ABCA13: variants seen among roughly 807,000 people sequenced by gnomAD.
The protein encoded by ABCA13 is ATP binding cassette subfamily A member 13, also known as ATP-binding cassette sub-family A member 13.
ABCA13 carries 476 observed loss-of-function variants against 478.7 expected under a neutral mutation model. The observed-to-expected ratio is 0.99, with a 90% confidence interval of 0.92 to 1.07. The LOEUF (loss-of-function observed/expected upper bound fraction) is 1.07, where lower values mean the gene tolerates loss of function less well. Among genes scored for constraint, ABCA13 ranks in the 50% least tolerant of loss-of-function variants. The pLI, the probability that ABCA13 is intolerant of heterozygous loss-of-function variation, is 0.00. For synonymous variants in ABCA13, 2,252 were observed against 2,158.9 expected (o/e 1.04, Z -1.20); for missense variants, 6,060 against 5,910.6 (o/e 1.03, Z -0.83).
chr7:48,200,827 A>C (rs1798580618), intron 3 of ABCA13, among the ~76,000 whole-genome samples: 1 of 151,884 alleles, frequency 6.6e-6, no homozygotes. Context: ...ATAAAGACTC[A>C]CTCCTGATTA....
intron 20 of ABCA13, among the ~76,000 whole-genome samples, chr7:48,292,601 C>T (rs760399973): frequency 2.9e-4 from 44 of 152,206 alleles, no homozygotes; most frequent in African/African-American, 7.2e-4. Flanking sequence ...CTGCCCTCCC[C>T]GGCACTCTCT....
chr7:48,267,350 CACAA>C lies in ABCA13; in HGVS notation c.2006-1626_2006-1623del, dbSNP rs199695719. Among the ~76,000 whole-genome samples the C allele has an allele frequency of 5.0e-3, 765 of 152,144 alleles. 8 individuals carry two copies. The highest frequency in any genetic ancestry group is 5.9e-3 in the Non-Finnish European group (398 of 67,938). ...TGTTGTGAAGCTCTGTTGTAATGTT[CACAA>C]ACATTTAGAATTGTTATATGTTCTT... On this transcript the variant is annotated intron_variant, in intron 15 of 61. Coordinates refer to ENST00000435803, the MANE Select transcript of ABCA13 (RefSeq NM_152701.5).
chr7:48,629,575 C>CAAA (rs11392411), intron 59 of ABCA13, among the ~76,000 whole-genome samples: 5,939 of 66,696 alleles, frequency 0.089, 371 homozygotes, highest in Non-Finnish European at 0.1. Flanking sequence ...TACATTTTGG[C>CAAA]AAAAAAAAAA....
intron 55 of ABCA13, among the ~76,000 whole-genome samples, chr7:48,532,955 C>G (rs1033609001): frequency 6.6e-6 from 1 of 151,946 alleles, no homozygotes. Context: ...AGATAACCAG[C>G]TTTGTGTTTC....
intron 55 of ABCA13, among the ~76,000 whole-genome samples, chr7:48,536,131 T>C (rs1833561473): frequency 6.6e-6 from 1 of 152,194 alleles, no homozygotes; most frequent in Non-Finnish European, 1.5e-5. Context: ...TGCAGGCTAG[T>C]CCTGCCTCCT....
At chr7:48,414,264 CT>C (rs1488075285) in intron 41 of ABCA13, among the ~76,000 whole-genome samples, 1 of 152,086 alleles carries the variant, frequency 6.6e-6, no homozygotes, top group Non-Finnish European at 1.5e-5. Flanking sequence ...GTTCCGTGTT[CT>C]CCCCACCCGC....
Position 48,484,053 on chromosome 7 carries a change from T to A in ABCA13, c.13182+890T>A, listed in dbSNP as rs567165019. On this transcript the variant is annotated intron_variant, in intron 47 of 61. Transcript: ENST00000435803. ...AATCTCCATGAGCCCAGGAAGGCAC[T>A]CTCTCTCTTCTGTAGTGGGGACTTG... Among the ~76,000 whole-genome samples the A allele has an allele frequency of 2.6e-5, 4 of 152,306 alleles. No individual in the cohort carries two copies. The East Asian group carries it at 7.7e-4, about 29-fold the overall frequency.
chr7:48,310,205 A>G, intron 24 of ABCA13, 64 bp downstream of exon 24: 1 of 1,523,566 alleles, frequency 6.6e-7, no homozygotes, highest in South Asian at 1.3e-5. Context: ...GCTGCAGATA[A>G]GTACAGTAGT....
At chr7:48,208,549 T>G (rs921668362) in intron 3 of ABCA13, among the ~76,000 whole-genome samples, 9 of 152,124 alleles carry the variant, frequency 5.9e-5, no homozygotes, top group African/African-American at 1.7e-4. Context: ...TTCCTAGGTA[T>G]GTTATTTTAT....
chr7:48,175,211 ATTTT>A (rs1483936985), intron 1 of ABCA13, among the ~76,000 whole-genome samples: 2 of 152,088 alleles, frequency 1.3e-5, no homozygotes, highest in Non-Finnish European at 2.9e-5. Context: ...TTAATTACTT[ATTTT>A]ATTTTTATTT....
At chr7:48,611,279 C>T (rs928464790) in intron 58 of ABCA13, among the ~76,000 whole-genome samples, 2 of 152,196 alleles carry the variant, frequency 1.3e-5, no homozygotes, top group African/African-American at 4.8e-5. Flanking sequence ...AGCAATTTAA[C>T]AAGCCTCTAG....
intron 37 of ABCA13, 129 bp from the exon 38 acceptor site, chr7:48,391,792 T>C (rs1816094565): frequency 2.4e-6 from 2 of 832,064 alleles, no homozygotes; most frequent in Non-Finnish European, 3.8e-6. Context: ...ACTGATTGTG[T>C]AAAAACCAGG....
At chr7:48,534,711 T>C (rs1469933861) in intron 55 of ABCA13, among the ~76,000 whole-genome samples, 1 of 152,216 alleles carries the variant, frequency 6.6e-6, no homozygotes, top group African/African-American at 2.4e-5. Context: ...TTTAAAATTC[T>C]TTTTTCTTTG....
intron 59 of ABCA13, among the ~76,000 whole-genome samples, chr7:48,635,503 G>C (rs1162029171): frequency 6.6e-6 from 1 of 152,150 alleles, no homozygotes; most frequent in Non-Finnish European, 1.5e-5. Context: ...AAGAACAAGG[G>C]GGACCCCAAT....
At chr7:48,435,971 GTT>G (rs35182542) in intron 42 of ABCA13, among the ~76,000 whole-genome samples, 15 of 138,480 alleles carry the variant, frequency 1.1e-4, no homozygotes, top group South Asian at 2.3e-4. Flanking sequence ...AGTTGGTAAG[GTT>G]TTTTTTTTTT....
At chr7:48,277,087 T>A (rs1796397930) in intron 17 of ABCA13, among the ~76,000 whole-genome samples, 1 of 152,220 alleles carries the variant, frequency 6.6e-6, no homozygotes, top group Admixed American at 6.5e-5. Flanking sequence ...TCCAATTTAT[T>A]CCATGATGTC....
chr7:48,290,861 C>G (rs979368761), intron 20 of ABCA13, among the ~76,000 whole-genome samples: 2 of 131,924 alleles, frequency 1.5e-5, no homozygotes, highest in Non-Finnish European at 3.1e-5. Flanking sequence ...AAAGGGATCT[C>G]TTTGGAGCAA....
chr7:48,354,708 T>C (rs1486350512), intron 31 of ABCA13, among the ~76,000 whole-genome samples: 30 of 152,094 alleles, frequency 2.0e-4, no homozygotes, highest in Non-Finnish European at 1.2e-4. Context: ...ATTTTAATTC[T>C]CTGAAATATT....
In ABCA13 at chr7:48,372,287, C is replaced by A. The variant is rs370330477; in HGVS notation, c.10923C>A (p.Ile3641=). 2 of 1,613,826 alleles carry A rather than the reference C, an allele frequency of 1.2e-6. No homozygotes were observed. Among genetic ancestry groups the A allele is most frequent in the African/African-American group, 1.3e-5 (1 of 74,914 alleles). ...TLAIVLKTSG[I]FAHSNTFIVF... ...CCATCGTTCTGAAAACAAGTGGCAT[C>A]TTTGCACACAGCAATACCTTTATTG... Residue 3641 remains isoleucine, a synonymous_variant, in exon 33 of 62, where the codon ATC becomes ATA. Transcript: ENST00000435803.
Sources: gnomAD v4.1 joint callset for allele counts (sites outside exome capture counted in the v4.1 genomes callset) on GRCh38, gnomAD v4.1.1 for gene constraint, MANE v1.5 for transcripts, NCBI Gene and HGNC (gene_info 2026-07-23, HGNC 2026-07-21) for gene names.